The following CADPS variants were observed in gnomAD, a reference collection of about 807,000 sequenced individuals.
The protein encoded by CADPS is calcium-dependent secretion activator 1.
CADPS carries 57 observed loss-of-function variants against 167.3 expected under a neutral mutation model. The observed-to-expected ratio is 0.34, with a 90% CI of 0.28 to 0.42. The LOEUF (loss-of-function observed/expected upper bound fraction) is 0.42. Ranked by LOEUF, CADPS falls within the 20% of genes least tolerant of loss-of-function variation. The probability of loss-of-function intolerance (pLI) is 1.00; values close to 1 mark genes in which losing one functional copy is unlikely to be tolerated. For missense variants in CADPS, 1,414 were observed against 1,738.1 expected (o/e 0.81, Z 3.32); for synonymous variants, 676 against 635.3 (o/e 1.06, Z -0.96).
At chr3:62,418,446 C>G (rs2149372439) in intron 28 of CADPS, among the ~76,000 whole-genome samples, 1 of 149,076 alleles carries the variant, frequency 6.7e-6, no homozygotes, top group South Asian at 2.1e-4. Context: ...TGCCTCAGCA[C>G]CCCAAGTAGT....
In CADPS at chr3:62,592,035, A is replaced by C. The variant is rs530110904; in HGVS notation, c.1437+602T>G. The stretch of plus-strand genomic sequence containing the variant: ...TGGCACATTTCTAAGGAAATCAAGG[A>C]AACTTTACAAGTATTGCTTAATATG... On this transcript the variant is annotated intron_variant, in intron 7 of 29. Transcript: ENST00000383710. Among the ~76,000 whole-genome samples the C allele has an allele frequency of 2.6e-5, 4 of 152,318 alleles. No homozygotes were observed. In the East Asian group the frequency reaches 5.8e-4, roughly 22 times the overall value.
chr3:62,824,166 C>CAAAAAAAA (rs3047274), intron 1 of CADPS, among the ~76,000 whole-genome samples: 1 of 126,646 alleles, frequency 7.9e-6, no homozygotes, highest in Non-Finnish European at 1.7e-5. Context: ...GCTATAACTT[C>CAAAAAAAA]AAAAAAAAAA....
chr3:62,445,712 G>GAAAAAAAAAAAAAAA, intron 27 of CADPS, 53 bp downstream of exon 27: 1 of 875,982 alleles, frequency 1.1e-6, no homozygotes. Flanking sequence ...AAGTAAAAAT[G>GAAAAAAAAAAAAAAA]AAAAAAAAAA....
At chr3:62,774,077 A>C (rs2089651851) in intron 1 of CADPS, among the ~76,000 whole-genome samples, 1 of 152,174 alleles carries the variant, frequency 6.6e-6, no homozygotes, top group South Asian at 2.1e-4. Context: ...ACAATTATCT[A>C]GCAGAAGAGG....
At chr3:62,494,871 C>T (rs1393359144) in intron 18 of CADPS, among the ~76,000 whole-genome samples, 1 of 151,842 alleles carries the variant, frequency 6.6e-6, no homozygotes, top group African/African-American at 2.4e-5. Flanking sequence ...TCATGTTGGC[C>T]AGGCTGGTCT....
intron 18 of CADPS, among the ~76,000 whole-genome samples, chr3:62,497,332 T>C (rs2064986138): frequency 6.6e-6 from 1 of 152,178 alleles, no homozygotes; most frequent in South Asian, 2.1e-4. Context: ...ACTGTGCTCT[T>C]TGTATTTATG....
chr3:62,418,095 C>T (rs1314242708), intron 28 of CADPS, among the ~76,000 whole-genome samples: 1 of 152,034 alleles, frequency 6.6e-6, no homozygotes, highest in Non-Finnish European at 1.5e-5. Context: ...AACTCATTTA[C>T]TTCTCCTAAC....
intron 1 of CADPS, among the ~76,000 whole-genome samples, chr3:62,847,269 T>C (rs2077633086): frequency 6.7e-6 from 1 of 150,058 alleles, no homozygotes; most frequent in African/African-American, 2.5e-5. Context: ...TTCTTTTTTT[T>C]TTTTTTTTTA....
chr3:62,570,798 T>C, intron 9 of CADPS, 74 bp downstream of exon 9: 2 of 983,806 alleles, frequency 2.0e-6, no homozygotes, highest in Middle Eastern at 4.2e-4. Context: ...AAGTTATACC[T>C]CAGTTAAAAA....
intron 21 of CADPS, among the ~76,000 whole-genome samples, chr3:62,487,683 A>G (rs2063051897): frequency 6.6e-6 from 1 of 152,100 alleles, no homozygotes; most frequent in Admixed American, 6.5e-5. Context: ...CTGCCATAGG[A>G]CTCAGCCATT....
At chr3:62,558,374 G>C (rs541714622) in intron 9 of CADPS, among the ~76,000 whole-genome samples, 1 of 152,310 alleles carries the variant, frequency 6.6e-6, no homozygotes, top group East Asian at 1.9e-4. Context: ...CATATACTTA[G>C]CATTTCTACA....
intron 20 of CADPS, 129 bp downstream of exon 20, chr3:62,492,161 T>G: frequency 1.3e-6 from 1 of 755,824 alleles, no homozygotes; most frequent in Non-Finnish European, 2.2e-6. Context: ...TTTTGGGGGG[T>G]GGGGTTAATC....
At chr3:62,811,397 C>T (rs115137417) in intron 1 of CADPS, among the ~76,000 whole-genome samples, 1,803 of 152,238 alleles carry the variant, frequency 0.012, 29 homozygotes, top group African/African-American at 0.031. Context: ...CTCTCAGAAG[C>T]ACACACCATC....
In CADPS at chr3:62,446,897, G is replaced by T. The variant is rs1025718195; in HGVS notation, c.3637-1100C>A. The stretch of plus-strand genomic sequence containing the variant: ...CAAAGACTGCAATGCACAAAAAGCA[G>T]TTAGGATGTCTTTTCACATCTCAGC... On this transcript the variant is annotated intron_variant, in intron 26 of 29. Transcript: ENST00000383710. This position sits in a 1 kb window ranked among gnomAD's most constrained non-coding sequence, Gnocchi z 4.9. 3.3e-5 allele frequency among the ~76,000 whole-genome samples: 5 copies of T among 152,170 alleles called. No homozygotes were observed. Among genetic ancestry groups the T allele is most frequent in the African/African-American group, 1.2e-4 (5 of 41,450 alleles).
intron 6 of CADPS, among the ~76,000 whole-genome samples, chr3:62,623,220 G>T (rs961953864): frequency 6.6e-6 from 1 of 152,156 alleles, no homozygotes; most frequent in Non-Finnish European, 1.5e-5. Flanking sequence ...AGCCCCTGTG[G>T]CTCTCCCCAG....
intron 9 of CADPS, among the ~76,000 whole-genome samples, chr3:62,563,578 G>A (rs1236302959): frequency 1.3e-5 from 2 of 152,180 alleles, no homozygotes; most frequent in African/African-American, 4.8e-5. Flanking sequence ...GGGAACAGGT[G>A]ATATTCAGTT....
chr3:62,530,531 TG>T (rs1352792311), intron 13 of CADPS: 1 of 556,744 alleles, frequency 1.8e-6, no homozygotes, highest in African/African-American at 2.0e-5. Context: ...CCTTTGAAAA[TG>T]CTTAAAGAGA....
At chr3:62,651,115 A>C in intron 4 of CADPS, 35 bp from the exon 5 acceptor site, 1 of 1,429,494 alleles carries the variant, frequency 7.0e-7, no homozygotes, top group Non-Finnish European at 9.8e-7. Context: ...AGCAGAGGAG[A>C]AAATAGAAAG....
intron 3 of CADPS, among the ~76,000 whole-genome samples, chr3:62,701,268 G>A (rs1327567385): frequency 6.6e-6 from 1 of 152,092 alleles, no homozygotes; most frequent in Non-Finnish European, 1.5e-5. Flanking sequence ...AGCAATTTTG[G>A]GGAACCATCA....
Sources: gnomAD v4.1 joint callset for allele counts (sites outside exome capture counted in the v4.1 genomes callset) on GRCh38, gnomAD v4.1.1 for gene constraint, Gnocchi (gnomAD v3.1) non-coding constraint, MANE v1.5 for transcripts, NCBI Gene and HGNC (gene_info 2026-07-23, HGNC 2026-07-21) for gene names.